The following PDZD2 variants were observed in gnomAD, a reference collection of about 807,000 sequenced individuals.
PDZD2 encodes the protein PDZ domain containing 2.
A neutral mutation model predicts 220.7 loss-of-function variants in PDZD2; 90 were observed. That is an observed-to-expected ratio of 0.41 (90% CI 0.34 to 0.49). The LOEUF is 0.49. Among genes scored for constraint, PDZD2 ranks in the 20% least tolerant of loss-of-function variants. PDZD2 has a pLI of 0.28. For synonymous variants in PDZD2, 1,375 were observed against 1,450.5 expected (o/e 0.95, Z 1.18); for missense variants, 3,174 against 3,608.5 (o/e 0.88, Z 3.08).
At chr5:31,880,895 A>G (rs1341998584) in intron 2 of PDZD2, among the ~76,000 whole-genome samples, 2 of 130,136 alleles carry the variant, frequency 1.5e-5, no homozygotes, top group Non-Finnish European at 3.1e-5. Context: ...TCCGCCTCCC[A>G]GGTTCAAGCG....
chr5:31,897,489 CG>C (rs993973958), intron 2 of PDZD2, among the ~76,000 whole-genome samples: 5 of 152,206 alleles, frequency 3.3e-5, no homozygotes, highest in Middle Eastern at 3.4e-3. Context: ...GATGTGTGTT[CG>C]GAAGAATCAC....
At chr5:32,019,025 C>A (rs1466776463) in intron 6 of PDZD2, among the ~76,000 whole-genome samples, 1 of 152,080 alleles carries the variant, frequency 6.6e-6, no homozygotes, top group African/African-American at 2.4e-5. Flanking sequence ...AAGTTTGAAT[C>A]CTGTGGCACA....
intron 1 of PDZD2, among the ~76,000 whole-genome samples, chr5:31,702,915 A>G (rs1254846938): frequency 6.6e-6 from 1 of 152,208 alleles, no homozygotes; most frequent in African/African-American, 2.4e-5. Flanking sequence ...GGCTGGGGGA[A>G]TCAGGGAGCT....
rs534531869 is a variant in PDZD2 at position 32,006,526 on chromosome 5, C to T, written c.1255-3804C>T. On this transcript the variant is annotated intron_variant, in intron 5 of 24. Transcript: ENST00000438447. Reference sequence around the variant, plus strand: ...CGTGCCACCATACATGGCTACTGTTCGTTTGTTTGAGACAGATTTAAACAA... The same window carrying T: ...CGTGCCACCATACATGGCTACTGTTTGTTTGTTTGAGACAGATTTAAACAA... Among the ~76,000 whole-genome samples, 5 of 150,900 alleles carry T rather than the reference C, an allele frequency of 3.3e-5. No individual in the cohort carries two copies. The East Asian group carries it at 9.8e-4, about 30-fold the overall frequency.
At chr5:31,811,468 C>G (rs1755105307) in intron 2 of PDZD2, among the ~76,000 whole-genome samples, 1 of 152,154 alleles carries the variant, frequency 6.6e-6, no homozygotes, top group Non-Finnish European at 1.5e-5. Flanking sequence ...TGCAATGTCT[C>G]TTTGACTTAA....
intron 4 of PDZD2, among the ~76,000 whole-genome samples, chr5:31,998,888 T>G (rs79177438): frequency 0.022 from 3,340 of 152,368 alleles, 135 homozygotes; most frequent in African/African-American, 0.075. Flanking sequence ...GAGGTCCCTC[T>G]GCCTCACCAG....
rs184693419 is a variant in PDZD2 at position 31,709,605 on chromosome 5, C to T, written c.-361+70168C>T. ...GTGGGTTCAAAAGAAGCACCTCCCC[C>T]GACAACTCTAGGGCTTTGCCTTTAC... On this transcript the variant is annotated intron_variant, in intron 1 of 24. Coordinates refer to ENST00000438447, the MANE Select transcript of PDZD2 (RefSeq NM_178140.4). Among the ~76,000 whole-genome samples the T allele has an allele frequency of 1.3e-3, 201 of 152,278 alleles. 2 individuals are homozygous for T. The highest frequency in any genetic ancestry group is 4.5e-3 in the African/African-American group (188 of 41,572).
intron 1 of PDZD2, among the ~76,000 whole-genome samples, chr5:31,702,560 C>T (rs1045250883): frequency 7.2e-5 from 11 of 152,196 alleles, no homozygotes; most frequent in African/African-American, 1.9e-4. Flanking sequence ...CTTCCCCCTA[C>T]CCTGCCTTTA....
At chr5:32,055,529 T>G (rs1209335907) in intron 10 of PDZD2, among the ~76,000 whole-genome samples, 2 of 72,704 alleles carry the variant, frequency 2.8e-5, no homozygotes, top group East Asian at 6.6e-4. Context: ...CACCAGAGCA[T>G]GAATCCCGAT....
chr5:31,832,747 C>T (rs1425204120), intron 2 of PDZD2, among the ~76,000 whole-genome samples: 8 of 152,044 alleles, frequency 5.3e-5, no homozygotes, highest in Non-Finnish European at 4.4e-5. Flanking sequence ...GCCCAGGAGG[C>T]GGAGGTTGCA....
In PDZD2 at chr5:32,108,565, A is replaced by G. The variant is rs947930958; in HGVS notation, c.*430A>G. On this transcript the variant is annotated 3_prime_UTR_variant, in exon 25 of 25. Transcript: ENST00000438447. ...AATGTCACACCTAAGAGGACAATCA[A>G]TCATTTTGTATGATTTTGTAAGTAA... 1.4e-5 allele frequency: 2 copies of G among 138,508 alleles called. No individual in the cohort carries two copies. The highest frequency in any genetic ancestry group is 2.7e-5 in the African/African-American group (1 of 37,548). The allele number at this position is 138,508 out of a possible 1,614,324, so 8.6% of individuals were successfully genotyped here.
chr5:32,082,583 A>T (rs1167876272), intron 19 of PDZD2, among the ~76,000 whole-genome samples: 1 of 152,116 alleles, frequency 6.6e-6, no homozygotes, highest in African/African-American at 2.4e-5. Flanking sequence ...CATGTGTAGC[A>T]TTTGGAACAC....
chr5:31,936,720 G>C (rs571953879), intron 2 of PDZD2, among the ~76,000 whole-genome samples: 1 of 152,234 alleles, frequency 6.6e-6, no homozygotes, highest in African/African-American at 2.4e-5. Flanking sequence ...AGGCTTGACT[G>C]TGGCTCCATT....
intron 2 of PDZD2, among the ~76,000 whole-genome samples, chr5:31,905,054 C>T (rs1315979121): frequency 2.0e-5 from 3 of 152,140 alleles, no homozygotes; most frequent in East Asian, 1.9e-4. Context: ...CTGCAACCTC[C>T]GTCTCCTGGG....
intron 2 of PDZD2, among the ~76,000 whole-genome samples, chr5:31,910,690 C>CTT (rs757586173): frequency 1.4e-5 from 2 of 143,918 alleles, no homozygotes; most frequent in Non-Finnish European, 1.5e-5. Flanking sequence ...CACACCCAGC[C>CTT]TTTTTTTTTT....
At chr5:31,757,391 A>G (rs930410852) in intron 1 of PDZD2, among the ~76,000 whole-genome samples, 3 of 152,160 alleles carry the variant, frequency 2.0e-5, no homozygotes, top group African/African-American at 7.2e-5. Context: ...GGAGATCAAG[A>G]CCATCCTGGC....
At chr5:32,079,735 C>T (rs979157559) in intron 19 of PDZD2, among the ~76,000 whole-genome samples, 3 of 151,922 alleles carry the variant, frequency 2.0e-5, no homozygotes, top group Non-Finnish European at 4.4e-5. Flanking sequence ...CGTTTAAACC[C>T]AGGAGGCAGA....
chr5:32,053,715 C>T (rs1174923313), intron 9 of PDZD2, 54 bp from the exon 10 acceptor site: 28 of 949,660 alleles, frequency 2.9e-5, no homozygotes, highest in Admixed American at 2.6e-4. Context: ...GGGAAAGATG[C>T]CCTCAGTTAA....
At chr5:31,932,329 AC>A (rs1239879816) in intron 2 of PDZD2, among the ~76,000 whole-genome samples, 1 of 152,178 alleles carries the variant, frequency 6.6e-6, no homozygotes, top group Non-Finnish European at 1.5e-5. Flanking sequence ...CAGGCAGATC[AC>A]CTGAGGTCAG....
Sources: allele counts gnomAD v4.1 joint callset (sites outside exome capture counted in the v4.1 genomes callset), GRCh38; gene constraint gnomAD v4.1.1; transcripts MANE v1.5; gene names NCBI Gene and HGNC (gene_info 2026-07-23, HGNC 2026-07-21).